Variants in SLC10A6 observed in about 807,000 individuals in gnomAD.
The protein encoded by SLC10A6 is solute carrier family 10 member 6.
In SLC10A6, 27 loss-of-function variants were observed where a neutral mutation model predicts 30.0. That is an observed-to-expected ratio of 0.90 (90% confidence interval 0.66 to 1.24). The LOEUF (loss-of-function observed/expected upper bound fraction) is 1.24. SLC10A6 is among the 50% of genes most tolerant of loss of function. The pLI is 0.00. For synonymous variants in SLC10A6, 166 were observed against 173.8 expected (o/e 0.95, Z 0.36); for missense variants, 439 against 457.0 (o/e 0.96, Z 0.36).
intron 4 of SLC10A6, among the ~76,000 whole-genome samples, chr4:86,826,876 A>G (rs1746008952): frequency 6.6e-6 from 1 of 152,216 alleles, no homozygotes; most frequent in African/African-American, 2.4e-5. Flanking sequence ...AAAACAAACA[A>G]GCACCTCTGT....
At position 86,825,474 on chromosome 4, in the gene SLC10A6, A is replaced by G; in HGVS notation, c.865T>C (p.Phe289Leu). 2.5e-6 allele frequency: 4 copies of G among 1,612,522 alleles called. No individual in the cohort carries two copies. The highest frequency in any genetic ancestry group is 3.4e-6 in the Non-Finnish European group (4 of 1,178,730). ...TGGAAGAGTCCATAGGCCAGTGGGA[A>G]ACTCAACATCTGGACCAAGTGCTCA... ...TAEHLVQMLS[F>L]PLAYGLFQLI... The change falls in exon 5 of 6, where the codon TTC becomes CTC. Residue 289 changes from phenylalanine to leucine, a missense_variant. By Grantham distance (22) the Phe-to-Leu change is conservative (BLOSUM62 0). Coordinates refer to ENST00000273905, the MANE Select transcript of SLC10A6 (RefSeq NM_197965.3).
rs1240915182 is a variant in SLC10A6 at position 86,848,911 on chromosome 4, C to A, written c.205G>T (p.Ala69Ser). 6.2e-7 allele frequency: 1 copy of A among 1,614,082 alleles called. No individual in the cohort carries two copies. Among genetic ancestry groups the A allele is most frequent in the East Asian group, 2.2e-5 (1 of 44,884 alleles). Residue 69 changes from alanine (A) to serine (S), a missense_variant, in exon 1 of 6, where the codon GCT becomes TCT. Coordinates refer to ENST00000273905, the MANE Select transcript of SLC10A6 (RefSeq NM_197965.3). ...CCAAACTGGCAGAGCAGTCCCACAG[C>A]AATGCCCCAGGGTCTCCTGATGTGC... is the stretch of plus-strand genomic sequence containing the variant. ...WSHIRRPWGI[A>S]VGLLCQFGLM...
At chr4:86,845,812 G>A (rs970911624) in intron 1 of SLC10A6, among the ~76,000 whole-genome samples, 1 of 152,162 alleles carries the variant, frequency 6.6e-6, no homozygotes, top group African/African-American at 2.4e-5. Flanking sequence ...ACAGGGCAAG[G>A]CTAAGATGAC....
At chr4:86,825,661 G>A in intron 4 of SLC10A6, 84 bp from the exon 5 acceptor site, 1 of 1,363,580 alleles carries the variant, frequency 7.3e-7, no homozygotes, top group Non-Finnish European at 9.9e-7. Context: ...ATAACAATTA[G>A]AAGCTATGAC....
At position 86,823,705 on chromosome 4, in the gene SLC10A6, T is replaced by A; in HGVS notation, c.1117A>T (p.Ile373Phe). The change falls in exon 6 of 6, where the codon ATC (isoleucine) becomes TTC (phenylalanine). Residue 373 changes from isoleucine to phenylalanine, a missense_variant. Coordinates refer to ENST00000273905, the MANE Select transcript of SLC10A6 (RefSeq NM_197965.3). ...CHRALEPVGH[I>F]TSCE The stretch of plus-strand genomic sequence containing the variant: ...AGTCCCTGCTATTCACATGAAGTGA[T>A]GTGGCCAACTGGCTCGAGAGCCCTG... 1.2e-6 allele frequency: 2 copies of A among 1,609,730 alleles called. No individual in the cohort carries two copies. Among genetic ancestry groups the A allele is most frequent in the Non-Finnish European group, 1.7e-6 (2 of 1,178,248 alleles).
chr4:86,824,576 A>T (rs1037728095), intron 5 of SLC10A6, among the ~76,000 whole-genome samples: 7 of 149,078 alleles, frequency 4.7e-5, no homozygotes, highest in South Asian at 4.3e-4. Flanking sequence ...GAACATATAT[A>T]TTTTTTTTTT....
chr4:86,827,353 G>A (rs1746013958), intron 4 of SLC10A6, among the ~76,000 whole-genome samples: 1 of 152,104 alleles, frequency 6.6e-6, no homozygotes, highest in South Asian at 2.1e-4. Flanking sequence ...GTAGAATGAG[G>A]GTAGTGATAG....
intron 3 of SLC10A6, among the ~76,000 whole-genome samples, chr4:86,829,374 G>T (rs1746043789): frequency 2.0e-5 from 3 of 152,108 alleles, no homozygotes; most frequent in Admixed American, 2.0e-4. Flanking sequence ...TTGCGCCACT[G>T]CACTCCAGCC....
At chr4:86,824,504 C>T (rs1397332971) in intron 5 of SLC10A6, among the ~76,000 whole-genome samples, 1 of 151,862 alleles carries the variant, frequency 6.6e-6, no homozygotes, top group African/African-American at 2.4e-5. Context: ...TTACTCAGAC[C>T]CAATTCCCTA....
intron 1 of SLC10A6, among the ~76,000 whole-genome samples, chr4:86,840,596 C>A (rs1048819124): frequency 2.6e-5 from 4 of 152,160 alleles, no homozygotes; most frequent in Non-Finnish European, 5.9e-5. Flanking sequence ...GAGACTAATC[C>A]ATTTTTTCTA....
chr4:86,826,546 C>CAATAAATAAATAAATA (rs71598412), intron 4 of SLC10A6, among the ~76,000 whole-genome samples: 51 of 149,800 alleles, frequency 3.4e-4, no homozygotes, highest in Admixed American at 8.0e-4. Flanking sequence ...AACGAGGTCT[C>CAATAAATAAATAAATA]AATAAATAAA....
intron 1 of SLC10A6, among the ~76,000 whole-genome samples, chr4:86,844,664 G>T (rs1356578704): frequency 6.6e-6 from 1 of 152,226 alleles, no homozygotes; most frequent in Non-Finnish European, 1.5e-5. Flanking sequence ...GAGAGATCAT[G>T]TAGTAAGAGA....
At chr4:86,834,980 A>T (rs1746155632) in intron 1 of SLC10A6, among the ~76,000 whole-genome samples, 1 of 152,136 alleles carries the variant, frequency 6.6e-6, no homozygotes, top group Non-Finnish European at 1.5e-5. Flanking sequence ...CACCAAGGAG[A>T]TGGCATTAAC....
In SLC10A6 at chr4:86,841,730, T is replaced by C. The variant is rs1746293574; in HGVS notation, c.377+7009A>G. Among the ~76,000 whole-genome samples the C allele has an allele frequency of 2.0e-5, 3 of 152,212 alleles. No individual in the cohort carries two copies. The South Asian group carries it at 6.2e-4, about 32-fold the overall frequency. On this transcript the variant is annotated intron_variant, in intron 1 of 5. Transcript: ENST00000273905. ...TGGAGATTAAGTTATTATAAATTGT[T>C]TTAATTTCAAAAATCCCATAAAATC... is the stretch of plus-strand genomic sequence containing the variant.
At chr4:86,833,220 G>C (rs1427452274) in intron 2 of SLC10A6, 86 bp downstream of exon 2, 1 of 1,081,800 alleles carries the variant, frequency 9.2e-7, no homozygotes, top group Non-Finnish European at 1.4e-6. Flanking sequence ...AAAAATCCCT[G>C]CATAAAGAGT....
chr4:86,840,016 C>T (rs1027900056), intron 1 of SLC10A6, among the ~76,000 whole-genome samples: 1 of 151,470 alleles, frequency 6.6e-6, no homozygotes, highest in Non-Finnish European at 1.5e-5. Flanking sequence ...TCAAGCAATT[C>T]TCTCTGCCCC....
chr4:86,827,934 C>T lies in SLC10A6; in HGVS notation c.761+59G>A. The T allele has an allele frequency of 2.6e-6, 4 of 1,509,546 alleles. No individual in the cohort carries two copies. The South Asian group carries it at 3.8e-5, about 14-fold the overall frequency. 93.5% of individuals were successfully genotyped at this position (1,509,546 alleles called of 1,614,324 possible). Reference sequence around the variant, plus strand: ...TCCTGACACAGGCAGCAAAGCCTACCAGTGGCAGTGTGTTAAATTTACCTT... The same window carrying T: ...TCCTGACACAGGCAGCAAAGCCTACTAGTGGCAGTGTGTTAAATTTACCTT... On this transcript the variant is annotated intron_variant, in intron 4 of 5. Transcript: ENST00000273905.
At chr4:86,825,722 T>A in intron 4 of SLC10A6, 145 bp from the exon 5 acceptor site, 1 of 890,734 alleles carries the variant, frequency 1.1e-6, no homozygotes, top group Non-Finnish European at 1.6e-6. Flanking sequence ...GCTGAGTGCC[T>A]ATTCTGCAGG....
At chr4:86,847,496 TAGTGGCTTTGTATATG>T (rs1349067536) in intron 1 of SLC10A6, among the ~76,000 whole-genome samples, 1 of 152,198 alleles carries the variant, frequency 6.6e-6, no homozygotes, top group African/African-American at 2.4e-5. Flanking sequence ...CAGTGTATAT[TAGTGGCTTTGTATATG>T]AGTGGCTTTT....
Sources: gnomAD v4.1 joint callset for allele counts (sites outside exome capture counted in the v4.1 genomes callset) on GRCh38, gnomAD v4.1.1 for gene constraint, MANE v1.5 for transcripts, NCBI Gene and HGNC (gene_info 2026-07-23, HGNC 2026-07-21) for gene names.